Variants in UGT1A10 observed in about 807,000 individuals in gnomAD.
UGT1A10 encodes UDP glucuronosyltransferase family 1 member A10, also known as UDP-glucuronosyltransferase 1A10.
A neutral mutation model predicts 45.8 loss-of-function variants in UGT1A10; 49 were observed. That is an observed-to-expected ratio of 1.07 (90% CI 0.85 to 1.36). The LOEUF (loss-of-function observed/expected upper bound fraction) is 1.36. Ranked by LOEUF, UGT1A10 falls within the 40% of genes most tolerant of loss-of-function variation. The pLI is 0.00. For synonymous variants in UGT1A10, 284 were observed against 249.7 expected (o/e 1.14, Z -1.29); for missense variants, 745 against 668.6 (o/e 1.11, Z -1.26).
intron 1 of UGT1A10, among the ~76,000 whole-genome samples, chr2:233,762,725 T>C (rs1290938105): frequency 6.6e-6 from 1 of 152,154 alleles, no homozygotes; most frequent in African/African-American, 2.4e-5. Context: ...CGGTTTTTTT[T>C]TTTTGGTCAC....
At chr2:233,684,901 G>GT (rs1241659927) in intron 1 of UGT1A10, among the ~76,000 whole-genome samples, 1 of 152,076 alleles carries the variant, frequency 6.6e-6, no homozygotes, top group Non-Finnish European at 1.5e-5. Context: ...AAAGTATACA[G>GT]TTTTTTGTAC....
chr2:233,726,544 G>A (rs543814105), intron 1 of UGT1A10, among the ~76,000 whole-genome samples: 35 of 152,224 alleles, frequency 2.3e-4, no homozygotes, highest in Non-Finnish European at 4.0e-4. Flanking sequence ...GCAGTGCAGC[G>A]TCTTCAAGTC....
chr2:233,714,888 A>G (rs529971847), intron 1 of UGT1A10, among the ~76,000 whole-genome samples: 65 of 151,904 alleles, frequency 4.3e-4, no homozygotes, highest in Admixed American at 3.0e-3. Context: ...AAATTTTTCT[A>G]TCTTTTGAGA....
chr2:233,637,190 T>C lies in UGT1A10; in HGVS notation c.668T>C (p.Leu223Pro). The change falls in exon 1 of 5, where the codon CTT becomes CCT. Residue 223 changes from leucine to proline, a missense_variant. Leu to Pro is a moderately conservative substitution (Grantham distance 98). Coordinates refer to ENST00000344644, the MANE Select transcript of UGT1A10 (RefSeq NM_019075.4). ...HLEDHLFCQYLFRNALEIASE... is the reference protein window; with the variant it reads ...HLEDHLFCQYPFRNALEIASE... ...GAGGACCATTTATTTTGCCAGTATC[T>C]TTTTAGAAATGCCCTAGAAATAGCC... The C allele has an allele frequency of 6.2e-7, 1 of 1,613,962 alleles. No homozygotes were observed. Among genetic ancestry groups the C allele is most frequent in the Non-Finnish European group, 8.5e-7 (1 of 1,179,858 alleles).
rs1470817365 is a variant in UGT1A10, at chr2:233,648,350, TTTGACATTAC to T, written c.855+10974_855+10983del. ...TCGGTGGTCTTCGCCAGAGGAATAC[TTTGACATTAC>T]CTTGAAGAAGGTGCACAGTGCCCTG... On this transcript the variant is annotated intron_variant, in intron 1 of 4. Transcript: ENST00000344644. The T allele has an allele frequency of 2.8e-5, 12 of 428,668 alleles. 1 individual carries two copies. Among genetic ancestry groups the T allele is most frequent in the Non-Finnish European group, 5.3e-5 (12 of 226,266 alleles). The allele number at this position is 428,668 out of a possible 1,614,324, so 26.6% of individuals were successfully genotyped here. A position where few individuals can be genotyped will look rare whatever the true frequency, so the allele number is the denominator to read the frequency against.
intron 1 of UGT1A10, among the ~76,000 whole-genome samples, chr2:233,695,077 T>A (rs1176900658): frequency 6.6e-6 from 1 of 152,172 alleles, no homozygotes; most frequent in Non-Finnish European, 1.5e-5. Context: ...ACTTTGGACT[T>A]ACTCATTCTA....
At chr2:233,716,855 C>T (rs1330828903) in intron 1 of UGT1A10, among the ~76,000 whole-genome samples, 6 of 152,192 alleles carry the variant, frequency 3.9e-5, no homozygotes, top group African/African-American at 1.4e-4. Context: ...ACCACATATG[C>T]TGATGGCTCC....
chr2:233,645,743 G>A (rs2073584589), intron 1 of UGT1A10, among the ~76,000 whole-genome samples: 1 of 152,218 alleles, frequency 6.6e-6, no homozygotes, highest in Admixed American at 6.5e-5. Flanking sequence ...CTGTGGCTTT[G>A]CAGGGTACAG....
chr2:233,758,772 T>G lies in UGT1A10; in HGVS notation c.856-8262T>G, dbSNP rs34118072. Reference sequence around the variant, plus strand: ...GCCAGTGATGTGTATGGTTCAAATGTTGGGATCTGTGCAGTTATCTTGGAA... The same window carrying G: ...GCCAGTGATGTGTATGGTTCAAATGGTGGGATCTGTGCAGTTATCTTGGAA... On this transcript the variant is annotated intron_variant, in intron 1 of 4. Coordinates refer to ENST00000344644, the MANE Select transcript of UGT1A10 (RefSeq NM_019075.4). Among the ~76,000 whole-genome samples, 852 of 152,332 alleles carry G rather than the reference T, an allele frequency of 5.6e-3. 11 individuals carry two copies. The highest frequency in any genetic ancestry group is 0.02 in the African/African-American group (820 of 41,568).
chr2:233,763,751 G>A (rs758447394), intron 1 of UGT1A10, among the ~76,000 whole-genome samples: 3 of 152,212 alleles, frequency 2.0e-5, no homozygotes, highest in Non-Finnish European at 4.4e-5. Flanking sequence ...TCTTTGGTGT[G>A]TCTGAAGGAA....
intron 1 of UGT1A10, among the ~76,000 whole-genome samples, chr2:233,731,469 T>C (rs1244110425): frequency 6.6e-6 from 1 of 152,156 alleles, no homozygotes; most frequent in Non-Finnish European, 1.5e-5. Context: ...TGGCGTGTGA[T>C]GTTCCCTGGC....
chr2:233,695,419 C>T (rs1453689683), intron 1 of UGT1A10, among the ~76,000 whole-genome samples: 2 of 138,724 alleles, frequency 1.4e-5, no homozygotes, highest in South Asian at 2.4e-4. Context: ...CTACCGCGCC[C>T]GGCCTTCTTC....
At chr2:233,672,326 A>G in intron 1 of UGT1A10, 2 of 1,614,100 alleles carry the variant, frequency 1.2e-6, no homozygotes, top group Non-Finnish European at 1.7e-6. Context: ...TTTAAAGACA[A>G]AAAATTAGTA....
intron 1 of UGT1A10, among the ~76,000 whole-genome samples, chr2:233,757,242 G>C (rs889678436): frequency 2.7e-5 from 4 of 149,670 alleles, no homozygotes; most frequent in African/African-American, 9.9e-5. Flanking sequence ...GTGGTGGTGA[G>C]GTGGGGTTAT....
In UGT1A10 at chr2:233,693,825, T is replaced by C. The variant is rs753049061; in HGVS notation, c.855+56448T>C. ...CCGGTCATGCCCAACATGGTCTTCA[T>C]TGGAGGTATCAACTGTAAGAAGAGG... On this transcript the variant is annotated intron_variant, in intron 1 of 4. Transcript: ENST00000344644. 3.5e-5 allele frequency: 57 copies of C among 1,614,084 alleles called. No homozygotes were observed. In the Admixed American group the frequency reaches 7.7e-4, roughly 22 times the overall value.
In UGT1A10 at chr2:233,772,609, C is replaced by T; in HGVS notation, c.*50C>T. On this transcript the variant is annotated 3_prime_UTR_variant, in exon 5 of 5. Transcript: ENST00000344644. The stretch of plus-strand genomic sequence containing the variant: ...ATTTTGAACCATTCCCTAGTCATTT[C>T]CAAACTTGAAAACAGAATCAGTGTT... 1 of 1,581,700 alleles carries T rather than the reference C, an allele frequency of 6.3e-7. No homozygotes were observed. Among genetic ancestry groups the T allele is most frequent in the Non-Finnish European group, 8.6e-7 (1 of 1,163,020 alleles).
At chr2:233,701,905 A>G (rs2075659250) in intron 1 of UGT1A10, among the ~76,000 whole-genome samples, 1 of 152,218 alleles carries the variant, frequency 6.6e-6, no homozygotes, top group Non-Finnish European at 1.5e-5. Flanking sequence ...AAGATCTAAA[A>G]TTGACACCCT....
At chr2:233,682,486 C>T (rs1167766704) in intron 1 of UGT1A10, 9 of 1,613,932 alleles carry the variant, frequency 5.6e-6, no homozygotes, top group Admixed American at 1.7e-5. Flanking sequence ...GTGCACAGTG[C>T]CCTGCTCCTC....
chr2:233,672,485 C>T (rs545447386), intron 1 of UGT1A10: 1 of 1,613,948 alleles, frequency 6.2e-7, no homozygotes, highest in South Asian at 1.1e-5. Flanking sequence ...GCACAGTGCC[C>T]TGCTCCTCTT....
Sources: allele counts gnomAD v4.1 joint callset (sites outside exome capture counted in the v4.1 genomes callset), GRCh38; gene constraint gnomAD v4.1.1; transcripts MANE v1.5; gene names NCBI Gene and HGNC (gene_info 2026-07-23, HGNC 2026-07-21).